PHLPP1: variants seen among roughly 807,000 people sequenced by gnomAD.
PHLPP1 encodes the protein PH domain and leucine rich repeat protein phosphatase 1, also known as PH domain leucine-rich repeat-containing protein phosphatase 1.
A neutral mutation model predicts 117.2 loss-of-function variants in PHLPP1; 42 were observed. The ratio of observed to expected loss-of-function variants is 0.36; its 90% CI spans 0.28 to 0.46. The LOEUF is 0.46. PHLPP1 is among the 20% of genes least tolerant of loss of function. The pLI, the probability that PHLPP1 is intolerant of heterozygous loss-of-function variation, is 1.00. For synonymous variants in PHLPP1, 1,042 were observed against 970.7 expected (o/e 1.07, Z -1.37); for missense variants, 2,084 against 2,241.9 (o/e 0.93, Z 1.42).
chr18:62,733,528 C>G (rs192778421), intron 1 of PHLPP1, among the ~76,000 whole-genome samples: 37 of 152,234 alleles, frequency 2.4e-4, no homozygotes, highest in Non-Finnish European at 4.9e-4. Flanking sequence ...TGAGGTATGC[C>G]TATACACATT....
At chr18:62,890,017 GC>G (rs983299110) in intron 4 of PHLPP1, among the ~76,000 whole-genome samples, 1 of 152,038 alleles carries the variant, frequency 6.6e-6, no homozygotes, top group Non-Finnish European at 1.5e-5. Context: ...GGGAAAGGGT[GC>G]CCCCGACTCC....
In PHLPP1 at chr18:62,818,398, A is replaced by G. The variant is rs115131929; in HGVS notation, c.1577-11637A>G. 7.9e-3 allele frequency among the ~76,000 whole-genome samples: 1,195 copies of G among 152,164 alleles called. 20 individuals carry two copies. Among genetic ancestry groups the G allele is most frequent in the African/African-American group, 0.028 (1,143 of 41,524 alleles). On this transcript the variant is annotated intron_variant, in intron 1 of 16. Coordinates refer to ENST00000262719, the MANE Select transcript of PHLPP1 (RefSeq NM_194449.4). ...AATATAAAAATTACTCTGGTGGCGG[A>G]TGCCTGTAGTCCCAGCTACTTGGGA...
rs559357295 is a variant in PHLPP1 at position 62,802,745 on chromosome 18, G to A, written c.1577-27290G>A. Among the ~76,000 whole-genome samples the A allele has an allele frequency of 1.4e-4, 22 of 152,194 alleles. No homozygotes were observed. The South Asian group carries it at 3.1e-3, about 22-fold the overall frequency. On this transcript the variant is annotated intron_variant, in intron 1 of 16. Coordinates refer to ENST00000262719, the MANE Select transcript of PHLPP1 (RefSeq NM_194449.4). ...ATAAATGGATGAGTTACTGCCCTCTGTTGGAGCGTGGAACTTACTTGGGCA... is the reference window on the plus strand; with the variant it reads ...ATAAATGGATGAGTTACTGCCCTCTATTGGAGCGTGGAACTTACTTGGGCA...
At chr18:62,818,845 C>G (rs977388710) in intron 1 of PHLPP1, among the ~76,000 whole-genome samples, 2 of 152,228 alleles carry the variant, frequency 1.3e-5, no homozygotes, top group Non-Finnish European at 2.9e-5. Flanking sequence ...ACAACCTCCT[C>G]TTTGCCTTGA....
chr18:62,929,687 C>G (rs984658963), intron 10 of PHLPP1, among the ~76,000 whole-genome samples: 2 of 152,154 alleles, frequency 1.3e-5, no homozygotes, highest in African/African-American at 4.8e-5. Context: ...GTGGCTCATG[C>G]GTGTTGTCCT....
intron 16 of PHLPP1, among the ~76,000 whole-genome samples, chr18:62,977,746 A>G (rs1911232871): frequency 6.6e-6 from 1 of 152,232 alleles, no homozygotes; most frequent in Non-Finnish European, 1.5e-5. Flanking sequence ...TGGAAGATTT[A>G]GGAGCATTGT....
intron 9 of PHLPP1, among the ~76,000 whole-genome samples, chr18:62,916,549 A>C (rs1261055003): frequency 1.3e-5 from 2 of 151,510 alleles, no homozygotes; most frequent in East Asian, 3.9e-4. Context: ...CTAGAATATT[A>C]TGTTGACTGA....
intron 4 of PHLPP1, among the ~76,000 whole-genome samples, chr18:62,887,867 A>T (rs143807470): frequency 2.6e-5 from 4 of 152,046 alleles, no homozygotes; most frequent in Non-Finnish European, 1.5e-5. Flanking sequence ...CCTCCCAAGT[A>T]GCTGGGACCA....
intron 15 of PHLPP1, 45 bp downstream of exon 15, chr18:62,972,753 C>G (rs1248291473): frequency 2.2e-5 from 31 of 1,409,802 alleles, no homozygotes; most frequent in Non-Finnish European, 2.7e-5. Flanking sequence ...TTTTCTTGCT[C>G]TTTGAGTGTT....
At position 62,886,587 on chromosome 18, in the gene PHLPP1, A is replaced by G. The variant is rs969445602; in HGVS notation, c.2067-8424A>G. ...ATGGCACCAGCCTTTGCACTTTGTT[A>G]TAGGGCACTTAGGATACCTAGTTTG... On this transcript the variant is annotated intron_variant, in intron 4 of 16. Transcript: ENST00000262719. Among the ~76,000 whole-genome samples the G allele has an allele frequency of 5.9e-5, 9 of 152,246 alleles. No individual in the cohort carries two copies. The East Asian group carries it at 1.7e-3, about 29-fold the overall frequency.
chr18:62,916,605 GGT>G (rs71340133), intron 9 of PHLPP1, among the ~76,000 whole-genome samples: 238 of 145,344 alleles, frequency 1.6e-3, no homozygotes, highest in Middle Eastern at 3.6e-3. Context: ...CAAGAGGGTG[GGT>G]GTGTGTGTGT....
intron 1 of PHLPP1, among the ~76,000 whole-genome samples, chr18:62,730,808 A>C (rs998608703): frequency 2.0e-5 from 3 of 151,998 alleles, no homozygotes; most frequent in East Asian, 1.9e-4. Context: ...AAAAAAAAAA[A>C]CTGTTTTGAA....
intron 4 of PHLPP1, among the ~76,000 whole-genome samples, chr18:62,870,782 A>G (rs749439378): frequency 4.5e-4 from 68 of 152,346 alleles, no homozygotes; most frequent in Non-Finnish European, 8.7e-4. Flanking sequence ...TTGCACCAAC[A>G]TTCTAAATCT....
chr18:62,825,914 TG>T (rs994395946), intron 1 of PHLPP1, among the ~76,000 whole-genome samples: 6 of 152,000 alleles, frequency 3.9e-5, no homozygotes, highest in African/African-American at 1.4e-4. Context: ...AAAGAAGAGA[TG>T]AAAAAGATAA....
At chr18:62,769,840 T>G (rs1599037791) in intron 1 of PHLPP1, among the ~76,000 whole-genome samples, 1 of 152,334 alleles carries the variant, frequency 6.6e-6, no homozygotes, top group East Asian at 1.9e-4. Context: ...TAATACTGAT[T>G]CCATATTTCA....
intron 1 of PHLPP1, among the ~76,000 whole-genome samples, chr18:62,779,835 A>C (rs1179266704): frequency 6.6e-6 from 1 of 152,162 alleles, no homozygotes; most frequent in Non-Finnish European, 1.5e-5. Flanking sequence ...AAGTATCATC[A>C]GGCCATGTGT....
chr18:62,816,158 G>C (rs1914267388), intron 1 of PHLPP1, among the ~76,000 whole-genome samples: 1 of 152,018 alleles, frequency 6.6e-6, no homozygotes. Flanking sequence ...TTTTTTCTTA[G>C]ATTAAATGTC....
chr18:62,797,152 G>T (rs1679034023), intron 1 of PHLPP1, among the ~76,000 whole-genome samples: 1 of 152,224 alleles, frequency 6.6e-6, no homozygotes, highest in South Asian at 2.1e-4. Context: ...CTTCCGACCT[G>T]TTTGGGTAGG....
At chr18:62,930,200 G>A (rs990486877) in intron 10 of PHLPP1, among the ~76,000 whole-genome samples, 1 of 152,114 alleles carries the variant, frequency 6.6e-6, no homozygotes, top group Non-Finnish European at 1.5e-5. Flanking sequence ...AAATTAATGT[G>A]TTAAAGAAGG....
Sources: gnomAD v4.1 joint callset for allele counts (sites outside exome capture counted in the v4.1 genomes callset) on GRCh38, gnomAD v4.1.1 for gene constraint, MANE v1.5 for transcripts, NCBI Gene and HGNC (gene_info 2026-07-23, HGNC 2026-07-21) for gene names.